Variants in MMP19 observed in about 807,000 individuals in gnomAD.
MMP19 encodes the protein matrix metallopeptidase 19.
A neutral mutation model predicts 46.6 loss-of-function variants in MMP19; 47 were observed. The observed-to-expected ratio is 1.01, with a 90% CI of 0.80 to 1.29. The LOEUF is 1.29. Ranked by LOEUF, MMP19 falls within the 50% of genes most tolerant of loss-of-function variation. The pLI, the probability that MMP19 is intolerant of heterozygous loss-of-function variation, is 0.00. For missense variants in MMP19, 589 were observed against 643.5 expected (o/e 0.92, Z 0.92); for synonymous variants, 222 against 248.5 (o/e 0.89, Z 1.00).
Position 55,839,646 on chromosome 12 carries a change from G to A in MMP19, c.616C>T (p.Leu206=). The change falls in exon 5 of 9, where the codon CTG becomes TTG. Residue 206 remains leucine, a synonymous_variant. Coordinates refer to ENST00000322569, the MANE Select transcript of MMP19 (RefSeq NM_002429.6). The part of the protein sequence containing the change: ...WTEGTYRGVN[L]RIIAAHEVGH... Reference sequence around the variant, plus strand: ...ACTTCATGGGCTGCAATGATGCGCAGGTTCACCCCACGGTAGGTCCCCTCA... The same window carrying A: ...ACTTCATGGGCTGCAATGATGCGCAAGTTCACCCCACGGTAGGTCCCCTCA... The A allele has an allele frequency of 2.5e-6, 4 of 1,614,252 alleles. No individual in the cohort carries two copies. Among genetic ancestry groups the A allele is most frequent in the Non-Finnish European group, 3.4e-6 (4 of 1,180,036 alleles).
At position 55,842,363 on chromosome 12, in the gene MMP19, C is replaced by T. The variant is rs77779483; in HGVS notation, c.163G>A (p.Glu55Lys). The change falls in exon 2 of 9, where the codon GAG (glutamate) becomes AAG (lysine). Residue 55 changes from glutamate to lysine, a missense_variant. Physicochemically the swap from Glu to Lys is moderately conservative, Grantham distance 56. Coordinates refer to ENST00000322569, the MANE Select transcript of MMP19 (RefSeq NM_002429.6). ...SNNFKPEDIT[E>K]ALRAFQEASE... Reference sequence around the variant, plus strand: ...CTCATAGCTTCTCACCTCAGAGCCTCGGTGATATCTTCTGGCTTGAAGTTA... The same window carrying T: ...CTCATAGCTTCTCACCTCAGAGCCTTGGTGATATCTTCTGGCTTGAAGTTA... 36 of 1,613,204 alleles carry T rather than the reference C, an allele frequency of 2.2e-5. No individual in the cohort carries two copies. Among genetic ancestry groups the T allele is most frequent in the Non-Finnish European group, 2.9e-5 (34 of 1,179,226 alleles).
rs778163123 is a variant in MMP19 at position 55,840,834 on chromosome 12, GAGGGC to G, written c.348_352del (p.Pro117HisfsTer35). 6.2e-7 allele frequency: 1 copy of G among 1,603,536 alleles called. No individual in the cohort carries two copies. Among genetic ancestry groups the G allele is most frequent in the African/African-American group, 1.3e-5 (1 of 74,812 alleles). On this transcript the variant is annotated frameshift_variant, in exon 4 of 9. Coordinates refer to ENST00000322569, the MANE Select transcript of MMP19 (RefSeq NM_002429.6). LOFTEE classifies it high-confidence loss of function. ...CCGGGCTGTGTGGGGTGGAAGGGTGGAGGGCAGGTTCAAGATGCGGAAAGTCAGGT... is the reference window on the plus strand; with the variant it reads ...CCGGGCTGTGTGGGGTGGAAGGGTGGAGGTTCAAGATGCGGAAAGTCAGGT...
chr12:55,839,927 C>T, intron 4 of MMP19, 186 bp from the exon 5 acceptor site: 5 of 781,428 alleles, frequency 6.4e-6, no homozygotes, highest in Non-Finnish European at 9.9e-6. Flanking sequence ...CAGGAATGCC[C>T]ATCACTGTCC....
In MMP19 at chr12:55,840,879, C is replaced by A. The variant is rs138487425; in HGVS notation, c.308G>T (p.Arg103Leu). The A allele has an allele frequency of 7.6e-6, 12 of 1,578,952 alleles. No homozygotes were observed. Among genetic ancestry groups the A allele is most frequent in the African/African-American group, 2.7e-5 (2 of 73,926 alleles). Residue 103 changes from arginine (R) to leucine (L), a missense_variant, in exon 4 of 9, where the codon CGC (arginine) becomes CTC (leucine). Transcript: ENST00000322569. ...QKTLKYLLLG[R>L]WRKKHLTFRI... The stretch of plus-strand genomic sequence containing the variant: ...GAAAGTCAGGTGCTTCTTTCTCCAG[C>A]GGCCTAGTTAATGACCAGAAAACAG...
chr12:55,837,830 C>T lies in MMP19; in HGVS notation c.1060+13G>A, dbSNP rs748706481. On this transcript the variant is annotated intron_variant, in intron 7 of 8. Coordinates refer to ENST00000322569, the MANE Select transcript of MMP19 (RefSeq NM_002429.6). Reference sequence around the variant, plus strand: ...GCCCTCCTCAAGTAAGACACTGTAACTAGCCTCCTTACCCTTAAAGAAGTG... The same window carrying T: ...GCCCTCCTCAAGTAAGACACTGTAATTAGCCTCCTTACCCTTAAAGAAGTG... The T allele has an allele frequency of 1.3e-6, 2 of 1,598,336 alleles. No individual in the cohort carries two copies. The highest frequency in any genetic ancestry group is 4.5e-5 in the East Asian group (2 of 44,472).
At chr12:55,840,443 GA>G in intron 4 of MMP19, among the ~76,000 whole-genome samples, 1 of 145,972 alleles carries the variant, frequency 6.9e-6, no homozygotes, top group East Asian at 2.1e-4. Context: ...GGGAGGGAAG[GA>G]GAGAGAAGGA....
At chr12:55,839,207 A>G (rs1464110928) in intron 5 of MMP19, among the ~76,000 whole-genome samples, 1 of 145,858 alleles carries the variant, frequency 6.9e-6, no homozygotes, top group East Asian at 2.0e-4. Flanking sequence ...ATGCCATTGC[A>G]CTCCAGCCTG....
At position 55,837,341 on chromosome 12, in the gene MMP19, G is replaced by T; in HGVS notation, c.1222C>A (p.Arg408=). Residue 408 remains arginine (R), a synonymous_variant, in exon 9 of 9, where the codon CGA becomes AGA. Coordinates refer to ENST00000322569, the MANE Select transcript of MMP19 (RefSeq NM_002429.6). ...TTGGGGTAGCTGCTGAAGTCAGTTCGGGCTAGCTCGTCCCACTGCCAGTAC... is the reference window on the plus strand; with the variant it reads ...TTGGGGTAGCTGCTGAAGTCAGTTCTGGCTAGCTCGTCCCACTGCCAGTAC... The part of the protein sequence containing the change: ...SGYWQWDELA[R]TDFSSYPKPI... 6.2e-7 allele frequency: 1 copy of T among 1,606,738 alleles called. No homozygotes were observed. The highest frequency in any genetic ancestry group is 8.5e-7 in the Non-Finnish European group (1 of 1,174,140).
intron 6 of MMP19, 155 bp from the exon 7 acceptor site, chr12:55,838,162 G>A: frequency 1.4e-6 from 1 of 723,200 alleles, no homozygotes; most frequent in Non-Finnish European, 2.2e-6. Flanking sequence ...ATTAAAGGCA[G>A]ACAAAGAGGA....
rs757350617 is a variant in MMP19 at position 55,838,724 on chromosome 12, A to G, written c.777T>C (p.Ser259=). 2.6e-5 allele frequency: 42 copies of G among 1,595,088 alleles called. No individual in the cohort carries two copies. The highest frequency in any genetic ancestry group is 3.4e-6 in the Non-Finnish European group (4 of 1,169,350). Residue 259 remains serine, a synonymous_variant, in exon 6 of 9, where the codon AGT becomes AGC. Coordinates refer to ENST00000322569, the MANE Select transcript of MMP19 (RefSeq NM_002429.6). ...CTTCTTCCTCATCCCTTATCACTGG[A>G]CTCTTCTTGCCTATAAGGTAAAGTA... is the stretch of plus-strand genomic sequence containing the variant. The part of the protein sequence containing the change: ...AGIQALYGKK[S]PVIRDEEEEE...
Position 55,840,894 on chromosome 12 carries a change from C to T in MMP19, c.305-12G>A. Reference sequence around the variant, plus strand: ...CTTTCTCCAGCGGCCTAGTTAATGACCAGAAAACAGATTAGAAATACAGAT... The same window carrying T: ...CTTTCTCCAGCGGCCTAGTTAATGATCAGAAAACAGATTAGAAATACAGAT... On this transcript the variant is annotated splice_polypyrimidine_tract_variant and intron_variant, in intron 3 of 8. Transcript: ENST00000322569. The T allele has an allele frequency of 6.4e-7, 1 of 1,563,296 alleles. No individual in the cohort carries two copies. The highest frequency in any genetic ancestry group is 8.7e-7 in the Non-Finnish European group (1 of 1,150,844).
chr12:55,835,487 CA>C lies in MMP19; in HGVS notation c.*1548del, dbSNP rs1881149519. 1 of 152,262 alleles carries C rather than the reference CA, an allele frequency of 6.6e-6. No individual in the cohort carries two copies. Among genetic ancestry groups the C allele is most frequent in the African/African-American group, 2.4e-5 (1 of 41,430 alleles). 9.4% of individuals were successfully genotyped at this position (152,262 alleles called of 1,614,324 possible). A position where few individuals can be genotyped will look rare whatever the true frequency, so the allele number is the denominator to read the frequency against. On this transcript the variant is annotated 3_prime_UTR_variant, in exon 9 of 9. Coordinates refer to ENST00000322569, the MANE Select transcript of MMP19 (RefSeq NM_002429.6). ...AGAGACAGGGTCTCCCTATGTTGCCCAAGCTGGTCTTGAACTCCTGGGCTCA... is the reference window on the plus strand; with the variant it reads ...AGAGACAGGGTCTCCCTATGTTGCCCAGCTGGTCTTGAACTCCTGGGCTCA...
chr12:55,842,668 G>A, intron 1 of MMP19, 76 bp downstream of exon 1: 1 of 1,239,334 alleles, frequency 8.1e-7, no homozygotes, highest in African/African-American at 1.5e-5. Flanking sequence ...AAGGTCAGGA[G>A]GGAGGCTTCG....
At position 55,842,384 on chromosome 12, in the gene MMP19, A is replaced by G; in HGVS notation, c.142T>C (p.Phe48Leu). ...GCCTCGGTGATATCTTCTGGCTTGA[A>G]GTTATTAGATCCTTCTAGAGGCTTC... is the stretch of plus-strand genomic sequence containing the variant. ...LQKPLEGSNN[F>L]KPEDITEALR... The change falls in exon 2 of 9, where the codon TTC becomes CTC. Residue 48 changes from phenylalanine (F) to leucine (L), a missense_variant. Physicochemically the swap from Phe to Leu is conservative, Grantham distance 22 (BLOSUM62 0). Transcript: ENST00000322569. 1 of 1,613,990 alleles carries G rather than the reference A, an allele frequency of 6.2e-7. No homozygotes were observed. The highest frequency in any genetic ancestry group is 8.5e-7 in the Non-Finnish European group (1 of 1,179,932).
chr12:55,838,640 G>T lies in MMP19; in HGVS notation c.861C>A (p.Asp287Glu). The change falls in exon 6 of 9, where the codon GAC (aspartate) becomes GAA (glutamate). Residue 287 changes from aspartate (D) to glutamate (E), a missense_variant. Asp to Glu is a conservative substitution (Grantham distance 45, BLOSUM62 2). Coordinates refer to ENST00000322569, the MANE Select transcript of MMP19 (RefSeq NM_002429.6). ...TGGCATCCAGTTCACTACTGCAAGG[G>T]TCTGGCATGGGACTGGGTTCTGTGG... is the stretch of plus-strand genomic sequence containing the variant. Reference protein sequence around the residue: ...PVPTEPSPMPDPCSSELDAMM... With the variant: ...PVPTEPSPMPEPCSSELDAMM... 1 of 1,614,188 alleles carries T rather than the reference G, an allele frequency of 6.2e-7. No homozygotes were observed. The highest frequency in any genetic ancestry group is 8.5e-7 in the Non-Finnish European group (1 of 1,180,018).
Position 55,837,231 on chromosome 12 carries a change from CT to C in MMP19, c.1331del (p.Lys444ArgfsTer14). On this transcript the variant is annotated frameshift_variant, in exon 9 of 9. Transcript: ENST00000322569. LOFTEE classifies it low-confidence loss of function (END_TRUNC). The stretch of plus-strand genomic sequence containing the variant: ...GGTTGAGGCGCCAGTAGACTTTGCC[CT>C]TGAAGAAGTAGACTCGGCCATCTTG... ...SWQDGRVYFF[K>X]GKVYWRLNQQ... The C allele has an allele frequency of 6.2e-7, 1 of 1,614,202 alleles. No homozygotes were observed. Among genetic ancestry groups the C allele is most frequent in the South Asian group, 1.1e-5 (1 of 91,082 alleles).
intron 6 of MMP19, 155 bp downstream of exon 6, chr12:55,838,451 C>T (rs766065458): frequency 2.5e-6 from 4 of 1,578,116 alleles, no homozygotes; most frequent in Non-Finnish European, 3.5e-6. Flanking sequence ...AACTCTCCCT[C>T]CCCATGTCAC....
At chr12:55,839,011 G>A (rs1459917918) in intron 5 of MMP19, among the ~76,000 whole-genome samples, 1 of 152,016 alleles carries the variant, frequency 6.6e-6, no homozygotes, top group Non-Finnish European at 1.5e-5. Context: ...AGGCTGAGGC[G>A]GGTGGATTGC....
chr12:55,837,435 G>T lies in MMP19; in HGVS notation c.1189-61C>A, dbSNP rs1455503742. On this transcript the variant is annotated intron_variant, in intron 8 of 8. Transcript: ENST00000322569. ...GAGGAGAGAGCTTAGGACCCCCAGG[G>T]GTCCACCCCCAGCCCACTGCAGCTG... The T allele has an allele frequency of 3.2e-6, 5 of 1,576,166 alleles. No homozygotes were observed. The African/African-American group carries it at 5.4e-5, about 17-fold the overall frequency.
Sources: allele counts gnomAD v4.1 joint callset (sites outside exome capture counted in the v4.1 genomes callset), GRCh38; gene constraint gnomAD v4.1.1; transcripts MANE v1.5; gene names NCBI Gene and HGNC (gene_info 2026-07-23, HGNC 2026-07-21).